LNX2: variants seen among roughly 807,000 people sequenced by gnomAD.
LNX2 encodes ligand of Numb protein X 2.
Under a neutral mutation model 66.2 loss-of-function variants are expected in LNX2, and 35 were observed. That is an observed-to-expected ratio of 0.53 (90% CI 0.40 to 0.70). LNX2 has a LOEUF of 0.70. LNX2 is among the 30% of genes least tolerant of loss of function. The probability of loss-of-function intolerance (pLI) is 0.00; values close to 1 mark genes in which losing one functional copy is unlikely to be tolerated. For synonymous variants in LNX2, 337 were observed against 315.6 expected, an observed-to-expected ratio of 1.07 and a Z score of -0.72; for missense variants, 791 against 850.8, an observed-to-expected ratio of 0.93 and a Z score of 0.87.
At chr13:27,602,660 CTA>C (rs1318500399) in intron 1 of LNX2, among the ~76,000 whole-genome samples, 14 of 152,234 alleles carry the variant, frequency 9.2e-5, no homozygotes, top group Admixed American at 2.6e-4. Flanking sequence ...TTCTATGAAC[CTA>C]TGTTTTCATT....
chr13:27,589,265 T>A (rs1453758904), intron 1 of LNX2, among the ~76,000 whole-genome samples: 1 of 152,238 alleles, frequency 6.6e-6, no homozygotes, highest in Admixed American at 6.5e-5. Flanking sequence ...TTTAGCTGCA[T>A]AGAAATATTT....
chr13:27,568,361 A>C (rs1955231913), intron 3 of LNX2, among the ~76,000 whole-genome samples: 1 of 152,204 alleles, frequency 6.6e-6, no homozygotes, highest in Admixed American at 6.5e-5. Flanking sequence ...AATCATTTTT[A>C]AAAGGAAATA....
In LNX2 at chr13:27,548,200, A is replaced by C; in HGVS notation, c.*135T>G. 1 of 707,512 alleles carries C rather than the reference A, an allele frequency of 1.4e-6. No individual in the cohort carries two copies. The highest frequency in any genetic ancestry group is 1.8e-5 in the African/African-American group (1 of 56,448). 43.8% of individuals were successfully genotyped at this position (707,512 alleles called of 1,614,324 possible). ...ACCATTTAAATAAACATAAACGGAC[A>C]ATCTTAGTGGGTTTTGGCCCTGTGT... is the stretch of plus-strand genomic sequence containing the variant. On this transcript the variant is annotated 3_prime_UTR_variant, in exon 10 of 10. Coordinates refer to ENST00000316334, the MANE Select transcript of LNX2 (RefSeq NM_153371.4).
intron 8 of LNX2, among the ~76,000 whole-genome samples, chr13:27,551,919 C>T (rs1955012774): frequency 6.6e-6 from 1 of 152,158 alleles, no homozygotes; most frequent in South Asian, 2.1e-4. Flanking sequence ...CTACACTATG[C>T]CGTGTGAAAC....
intron 9 of LNX2, among the ~76,000 whole-genome samples, chr13:27,549,711 A>G (rs545214112): frequency 6.6e-6 from 1 of 152,356 alleles, no homozygotes; most frequent in Non-Finnish European, 1.5e-5. Context: ...GCATCCTGTA[A>G]GCTATTGTAC....
At chr13:27,602,126 T>G (rs11618048) in intron 1 of LNX2, among the ~76,000 whole-genome samples, 10,370 of 152,076 alleles carry the variant, frequency 0.068, 394 homozygotes, top group South Asian at 0.14. Flanking sequence ...AAAAAAAATG[T>G]GCAAAACTTT....
rs1955250077 is a variant in LNX2 at position 27,569,408 on chromosome 13, C to T, written c.408-132G>A. 4 of 885,060 alleles carry T rather than the reference C, an allele frequency of 4.5e-6. No homozygotes were observed. The East Asian group carries it at 7.6e-5, about 17-fold the overall frequency. 54.8% of individuals were successfully genotyped at this position (885,060 alleles called of 1,614,324 possible). The stretch of plus-strand genomic sequence containing the variant: ...AAGTACCTATAGGCAGCACATAGTT[C>T]TGATCCTAATCTCCACTCACACTAA... On this transcript the variant is annotated intron_variant, in intron 2 of 9. Coordinates refer to ENST00000316334, the MANE Select transcript of LNX2 (RefSeq NM_153371.4).
At chr13:27,564,975 C>T (rs1955187189) in intron 4 of LNX2, among the ~76,000 whole-genome samples, 1 of 152,036 alleles carries the variant, frequency 6.6e-6, no homozygotes, top group Non-Finnish European at 1.5e-5. Context: ...TAGGAGAGAC[C>T]CTTTGTGAAT....
intron 5 of LNX2, 39 bp from the exon 6 acceptor site, chr13:27,560,024 G>A: frequency 6.7e-7 from 1 of 1,498,802 alleles, no homozygotes; most frequent in Non-Finnish European, 9.0e-7. Flanking sequence ...AGTGACTAAT[G>A]ATGTTTGTCA....
chr13:27,559,877 G>T lies in LNX2; in HGVS notation c.1333C>A (p.Pro445Thr). The T allele has an allele frequency of 6.2e-7, 1 of 1,610,054 alleles. No homozygotes were observed. Among genetic ancestry groups the T allele is most frequent in the South Asian group, 1.1e-5 (1 of 90,826 alleles). The change falls in exon 6 of 10, where the codon CCA becomes ACA. Residue 445 changes from proline to threonine, a missense_variant. Coordinates refer to ENST00000316334, the MANE Select transcript of LNX2 (RefSeq NM_153371.4). ...CTTGGTCTGCTATAATACGGTGGTG[G>T]TGTGTGGTGCTGGCTGCTGCTGCTA... ...NHSSSSQHHT[P>T]PPYYSRPSSH... is the part of the protein sequence containing the mutation.
chr13:27,587,749 C>T (rs528294063), intron 1 of LNX2, among the ~76,000 whole-genome samples: 6 of 151,802 alleles, frequency 4.0e-5, no homozygotes, highest in East Asian at 2.0e-4. Context: ...TCGCCAGGCG[C>T]GGTGGCTCAC....
chr13:27,548,288 A>G lies in LNX2; in HGVS notation c.*47T>C. 1 of 1,583,782 alleles carries G rather than the reference A, an allele frequency of 6.3e-7. No homozygotes were observed. Among genetic ancestry groups the G allele is most frequent in the Admixed American group, 1.8e-5 (1 of 56,270 alleles). On this transcript the variant is annotated 3_prime_UTR_variant, in exon 10 of 10. Transcript: ENST00000316334. ...AATGAAACCAAAGGGTTTTCTTTCA[A>G]AAATCTAAAAAAGGAAGATGCAAGA...
chr13:27,569,418 T>A (rs1355955289), intron 2 of LNX2, 142 bp from the exon 3 acceptor site: 76 of 789,408 alleles, frequency 9.6e-5, no homozygotes, highest in Non-Finnish European at 6.0e-6. Context: ...CTGATCCTAA[T>A]CTCCACTCAC....
At chr13:27,621,090 C>G (rs377175053), upstream of LNX2, 1 of 153,574 alleles carries the variant, frequency 6.5e-6, no homozygotes, top group Non-Finnish European at 1.4e-5. Context: ...GGAGAGCGAG[C>G]CTGGGCGGCG....
chr13:27,563,803 T>C (rs1217768142), intron 4 of LNX2, among the ~76,000 whole-genome samples: 1 of 152,206 alleles, frequency 6.6e-6, no homozygotes, highest in Admixed American at 6.5e-5. Context: ...TAGTTGTAAA[T>C]ACTATTTTGA....
At chr13:27,582,787 T>C (rs969050622) in intron 1 of LNX2, among the ~76,000 whole-genome samples, 2 of 152,122 alleles carry the variant, frequency 1.3e-5, no homozygotes, top group African/African-American at 4.8e-5. Flanking sequence ...TAACACCTAA[T>C]GTAGATGATG....
intron 1 of LNX2, among the ~76,000 whole-genome samples, chr13:27,616,500 A>G (rs1279461959): frequency 6.6e-6 from 1 of 152,226 alleles, no homozygotes; most frequent in Non-Finnish European, 1.5e-5. Context: ...GTTAAATTTT[A>G]AAAGACCCCT....
At chr13:27,555,420 T>TC (rs1955046280) in intron 7 of LNX2, among the ~76,000 whole-genome samples, 1 of 152,250 alleles carries the variant, frequency 6.6e-6, no homozygotes. Context: ...CAAATGTTTT[T>TC]CCCATTCTGT....
intron 2 of LNX2, among the ~76,000 whole-genome samples, chr13:27,569,851 C>G (rs1163696279): frequency 6.6e-6 from 1 of 152,058 alleles, no homozygotes; most frequent in Non-Finnish European, 1.5e-5. Flanking sequence ...GAAAAATATG[C>G]CTCCTAGTTT....
Sources: gnomAD v4.1 joint callset for allele counts (sites outside exome capture counted in the v4.1 genomes callset) on GRCh38, gnomAD v4.1.1 for gene constraint, MANE v1.5 for transcripts, NCBI Gene and HGNC (gene_info 2026-07-23, HGNC 2026-07-21) for gene names.